The following PLCB4 variants were observed in gnomAD, a reference collection of about 807,000 sequenced individuals.
The protein encoded by PLCB4 is 1-phosphatidylinositol 4,5-bisphosphate phosphodiesterase beta-4.
Under a neutral mutation model 178.8 loss-of-function variants are expected in PLCB4, and 77 were observed. The ratio of observed to expected loss-of-function variants is 0.43; its 90% confidence interval spans 0.36 to 0.52. PLCB4 has a LOEUF of 0.52. Ranked by LOEUF, PLCB4 falls within the 20% of genes least tolerant of loss-of-function variation. PLCB4 has a pLI of 0.00. For synonymous variants in PLCB4, 496 were observed against 490.8 expected, an observed-to-expected ratio of 1.01 and a Z score of -0.14; for missense variants, 1,024 against 1,453.4, an observed-to-expected ratio of 0.70 and a Z score of 4.80.
chr20:9,117,002 C>T (rs1043599460), intron 2 of PLCB4, among the ~76,000 whole-genome samples: 4 of 152,084 alleles, frequency 2.6e-5, no homozygotes, highest in African/African-American at 4.8e-5. Flanking sequence ...TTGGTGTATA[C>T]GAAAGCGTTG....
intron 1 of PLCB4, among the ~76,000 whole-genome samples, chr20:9,092,324 A>C (rs1262305976): frequency 6.6e-6 from 1 of 152,142 alleles, no homozygotes; most frequent in East Asian, 1.9e-4. Flanking sequence ...GTCCTTAGGA[A>C]AGCACAGTGT....
chr20:9,176,113 T>C (rs2093150271), intron 2 of PLCB4, among the ~76,000 whole-genome samples: 1 of 152,188 alleles, frequency 6.6e-6, no homozygotes, highest in Non-Finnish European at 1.5e-5. Context: ...AATGGAACTA[T>C]GTATTCTTTT....
chr20:9,226,045 C>T (rs957218902), intron 3 of PLCB4, among the ~76,000 whole-genome samples: 1 of 152,122 alleles, frequency 6.6e-6, no homozygotes, highest in Non-Finnish European at 1.5e-5. Context: ...CATTCCTTTC[C>T]ATATTTTGTG....
intron 4 of PLCB4, among the ~76,000 whole-genome samples, chr20:9,316,676 A>G (rs1418492244): frequency 6.6e-6 from 1 of 152,222 alleles, no homozygotes; most frequent in East Asian, 1.9e-4. Context: ...TTGTCAGCAC[A>G]GCTGTGTGAC....
chr20:9,401,992 C>T (rs2039061647), intron 20 of PLCB4, among the ~76,000 whole-genome samples: 2 of 152,118 alleles, frequency 1.3e-5, no homozygotes, highest in Non-Finnish European at 2.9e-5. Context: ...ATACCTTCCC[C>T]CTAAAGTACA....
At position 9,087,884 on chromosome 20, in the gene PLCB4, C is replaced by T. The variant is rs984704188; in HGVS notation, c.-134-8403C>T. Among the ~76,000 whole-genome samples, 4 of 152,172 alleles carry T rather than the reference C, an allele frequency of 2.6e-5. 1 individual carries two copies. Among genetic ancestry groups the T allele is most frequent in the South Asian group, 4.1e-4 (2 of 4,830 alleles). ...AAGATCACTGGAGTGTCTCTGTGTC[C>T]TTGTCCAGGCAGCCCACTCAGATGG... On this transcript the variant is annotated intron_variant, in intron 1 of 39. Coordinates refer to ENST00000378473, the MANE Select transcript of PLCB4 (RefSeq NM_001377142.1).
rs148142942 is a variant in PLCB4 at position 9,465,504 on chromosome 20, G to T, written c.3249-3067G>T. Among the ~76,000 whole-genome samples, 664 of 152,290 alleles carry T rather than the reference G, an allele frequency of 4.4e-3. 1 individual carries two copies. Among genetic ancestry groups the T allele is most frequent in the Middle Eastern group, 0.027 (8 of 294 alleles). On this transcript the variant is annotated intron_variant, in intron 35 of 39. Transcript: ENST00000378473. ...AGAGGAAGTCAAATTGTCCCTGTTT[G>T]CACATCACATGATAGTATATTTAGA...
chr20:9,445,571 A>G (rs1345866614), intron 32 of PLCB4, among the ~76,000 whole-genome samples: 2 of 152,238 alleles, frequency 1.3e-5, no homozygotes, highest in African/African-American at 4.8e-5. Context: ...TTTAGAAGTT[A>G]GGCCTAATCT....
intron 32 of PLCB4, among the ~76,000 whole-genome samples, chr20:9,449,229 C>CTAA (rs1170735069): frequency 6.6e-6 from 1 of 152,134 alleles, no homozygotes; most frequent in Non-Finnish European, 1.5e-5. Context: ...GCTGCAGTTA[C>CTAA]TTTCATTAAG....
intron 2 of PLCB4, among the ~76,000 whole-genome samples, chr20:9,209,449 T>C (rs1266634672): frequency 6.6e-6 from 1 of 151,866 alleles, no homozygotes; most frequent in Non-Finnish European, 1.5e-5. Flanking sequence ...GGGATGTCAC[T>C]CCTGTGATTA....
At chr20:9,198,888 A>G (rs1023079966) in intron 2 of PLCB4, among the ~76,000 whole-genome samples, 21 of 152,172 alleles carry the variant, frequency 1.4e-4, no homozygotes, top group African/African-American at 4.6e-4. Context: ...TTACCATTGT[A>G]TTCTCTTTTT....
intron 2 of PLCB4, among the ~76,000 whole-genome samples, chr20:9,156,567 C>G (rs991427955): frequency 1.3e-5 from 2 of 152,082 alleles, no homozygotes; most frequent in African/African-American, 2.4e-5. Context: ...AAGTAAAGGT[C>G]TAATTTTGAC....
At chr20:9,387,718 A>G (rs888405995) in intron 15 of PLCB4, among the ~76,000 whole-genome samples, 162 bp downstream of exon 15, 3 of 152,202 alleles carry the variant, frequency 2.0e-5, no homozygotes, top group African/African-American at 4.8e-5. Context: ...GATCTTTTCC[A>G]CTGAACGTCC....
intron 36 of PLCB4, among the ~76,000 whole-genome samples, chr20:9,470,407 A>G (rs1012842841): frequency 6.6e-6 from 1 of 152,170 alleles, no homozygotes; most frequent in African/African-American, 2.4e-5. Flanking sequence ...AGGGCCTTAT[A>G]TACATGGAAA....
At chr20:9,388,470 A>G (rs1650862517) in intron 15 of PLCB4, among the ~76,000 whole-genome samples, 1 of 151,978 alleles carries the variant, frequency 6.6e-6, no homozygotes, top group South Asian at 2.1e-4. Context: ...TATAATCCCA[A>G]CACTTTGGGA....
At chr20:9,270,466 T>C (rs968991581) in intron 3 of PLCB4, among the ~76,000 whole-genome samples, 1 of 152,172 alleles carries the variant, frequency 6.6e-6, no homozygotes, top group Non-Finnish European at 1.5e-5. Flanking sequence ...GTAGAATGCA[T>C]TTGAGCCTCA....
rs925052215 is a variant in PLCB4 at position 9,452,874 on chromosome 20, G to A, written c.2881-473G>A. On this transcript the variant is annotated intron_variant, in intron 32 of 39. Coordinates refer to ENST00000378473, the MANE Select transcript of PLCB4 (RefSeq NM_001377142.1). ...TAATGGCATTCAAGAGCTCCAAAAT[G>A]TGCAGGTGTTTAGAAACCATGTCAC... 2.0e-5 allele frequency among the ~76,000 whole-genome samples: 3 copies of A among 152,154 alleles called. No homozygotes were observed. In the South Asian group the frequency reaches 6.2e-4, roughly 31 times the overall value.
chr20:9,257,090 A>G (rs1748568417), intron 3 of PLCB4, among the ~76,000 whole-genome samples: 1 of 152,222 alleles, frequency 6.6e-6, no homozygotes, highest in African/African-American at 2.4e-5. Flanking sequence ...GTATGAGAGA[A>G]GAGCAATTAA....
chr20:9,439,573 C>T (rs138626908), intron 30 of PLCB4, among the ~76,000 whole-genome samples: 1 of 152,196 alleles, frequency 6.6e-6, no homozygotes, highest in East Asian at 1.9e-4. Flanking sequence ...AACTGAAAAA[C>T]AGCAGTATAG....
Sources: gnomAD v4.1 joint callset for allele counts (sites outside exome capture counted in the v4.1 genomes callset) on GRCh38, gnomAD v4.1.1 for gene constraint, MANE v1.5 for transcripts, NCBI Gene and HGNC (gene_info 2026-07-23, HGNC 2026-07-21) for gene names.